The following GRIN2A variants were observed in gnomAD, a reference collection of about 807,000 sequenced individuals.
GRIN2A encodes glutamate receptor ionotropic, NMDA 2A.
A neutral mutation model predicts 113.4 loss-of-function variants in GRIN2A; 22 were observed. The ratio of observed to expected loss-of-function variants is 0.19; its 90% CI spans 0.14 to 0.28. The LOEUF (loss-of-function observed/expected upper bound fraction) is 0.28. Ranked by LOEUF, GRIN2A falls within the 10% of genes least tolerant of loss-of-function variation. The pLI, the probability that GRIN2A is intolerant of heterozygous loss-of-function variation, is 1.00. For synonymous variants in GRIN2A, 827 were observed against 738.4 expected (o/e 1.12, Z -1.94); for missense variants, 1,502 against 1,887.0 (o/e 0.80, Z 3.78).
At chr16:10,084,002 G>A (rs193106637) in intron 2 of GRIN2A, among the ~76,000 whole-genome samples, 1 of 152,300 alleles carries the variant, frequency 6.6e-6, no homozygotes, top group African/African-American at 2.4e-5. Flanking sequence ...CTTGGGGGTT[G>A]AAGAAGGAGG....
At chr16:9,974,659 T>A (rs1484999255) in intron 2 of GRIN2A, among the ~76,000 whole-genome samples, 1 of 152,104 alleles carries the variant, frequency 6.6e-6, no homozygotes, top group East Asian at 1.9e-4. Context: ...ACAAGGGGAA[T>A]GAGTAGGCCC....
chr16:9,776,420 T>C lies in GRIN2A; in HGVS notation c.2357-7331A>G, dbSNP rs145375558. 3.1e-3 allele frequency among the ~76,000 whole-genome samples: 479 copies of C among 152,212 alleles called. 3 individuals carry two copies. The highest frequency in any genetic ancestry group is 0.011 in the African/African-American group (448 of 41,526). On this transcript the variant is annotated intron_variant, in intron 11 of 12. Coordinates refer to ENST00000330684, the MANE Select transcript of GRIN2A (RefSeq NM_001134407.3). ...CACAGGTCTTGGTACATGTGGTTCA[T>C]GACATTGCACCAACTGTGGATAACA...
chr16:10,093,638 C>T, intron 2 of GRIN2A, among the ~76,000 whole-genome samples: 1 of 151,788 alleles, frequency 6.6e-6, no homozygotes, highest in East Asian at 1.9e-4. Flanking sequence ...AACAAAAAAC[C>T]TTTTGCAGTA....
intron 2 of GRIN2A, among the ~76,000 whole-genome samples, chr16:9,982,490 T>G (rs2045909828): frequency 6.6e-6 from 1 of 152,228 alleles, no homozygotes; most frequent in African/African-American, 2.4e-5. Context: ...GTCAGCTATT[T>G]GGCCTGAGGA....
At chr16:10,077,688 C>A (rs1031968016) in intron 2 of GRIN2A, among the ~76,000 whole-genome samples, 2 of 152,222 alleles carry the variant, frequency 1.3e-5, no homozygotes, top group African/African-American at 4.8e-5. Context: ...GCCCTCATCT[C>A]CTTCCATCCC....
intron 2 of GRIN2A, chr16:10,179,678 C>T: frequency 4.4e-6 from 2 of 453,658 alleles, no homozygotes; most frequent in South Asian, 4.4e-5. Flanking sequence ...CCATGGTACT[C>T]GTAAATCTCC....
At chr16:9,996,524 A>C (rs2046226738) in intron 2 of GRIN2A, among the ~76,000 whole-genome samples, 1 of 152,222 alleles carries the variant, frequency 6.6e-6, no homozygotes, top group African/African-American at 2.4e-5. Flanking sequence ...GTCGAAATCC[A>C]ACTAGACATC....
intron 2 of GRIN2A, among the ~76,000 whole-genome samples, chr16:10,172,471 A>G (rs2050061506): frequency 6.6e-6 from 1 of 152,252 alleles, no homozygotes; most frequent in Non-Finnish European, 1.5e-5. Context: ...CCTACATCAT[A>G]GGCCTCACAG....
intron 2 of GRIN2A, among the ~76,000 whole-genome samples, chr16:10,105,872 A>G (rs543771613): frequency 6.6e-6 from 1 of 152,376 alleles, no homozygotes; most frequent in Admixed American, 6.5e-5. Context: ...GTGCCACTGC[A>G]CGCCAGCCTC....
At chr16:9,964,156 A>T (rs912997541) in intron 2 of GRIN2A, among the ~76,000 whole-genome samples, 8 of 152,222 alleles carry the variant, frequency 5.3e-5, no homozygotes, top group African/African-American at 1.7e-4. Flanking sequence ...AGCATCCTTG[A>T]AGGCATGTGT....
chr16:9,785,078 C>T (rs995603795), intron 11 of GRIN2A, among the ~76,000 whole-genome samples: 4 of 152,124 alleles, frequency 2.6e-5, no homozygotes, highest in Non-Finnish European at 5.9e-5. Flanking sequence ...AGCCAGCCAT[C>T]CCATTACTGG....
chr16:9,971,172 G>A (rs1567208392), intron 2 of GRIN2A, among the ~76,000 whole-genome samples: 1 of 152,196 alleles, frequency 6.6e-6, no homozygotes, highest in Non-Finnish European at 1.5e-5. Flanking sequence ...CAGGTGGATT[G>A]CTTTATTCTC....
At chr16:9,890,905 G>A (rs923561857) in intron 4 of GRIN2A, 81 bp downstream of exon 4, 8 of 876,290 alleles carry the variant, frequency 9.1e-6, no homozygotes, top group Non-Finnish European at 1.2e-5. Context: ...GGAAATGCGT[G>A]GGAGAAAGAA....
chr16:9,791,104 C>G (rs1052116733), intron 11 of GRIN2A, among the ~76,000 whole-genome samples: 2 of 152,100 alleles, frequency 1.3e-5, no homozygotes, highest in African/African-American at 4.8e-5. Flanking sequence ...CAGGTCACAC[C>G]ACTAGGAAAC....
At chr16:10,034,069 G>C (rs2046979516) in intron 2 of GRIN2A, among the ~76,000 whole-genome samples, 1 of 152,206 alleles carries the variant, frequency 6.6e-6, no homozygotes, top group Admixed American at 6.5e-5. Context: ...CCTTGGCAGA[G>C]ATTAATGCCT....
chr16:9,849,788 G>A lies in GRIN2A; in HGVS notation c.1296C>T (p.Asn432=), dbSNP rs745619198. The A allele has an allele frequency of 3.7e-6, 6 of 1,614,086 alleles. No individual in the cohort carries two copies. In the Admixed American group the frequency reaches 1.0e-4, roughly 27 times the overall value. ...TGACGAACTTCCGACATGGCACGGT[G>A]TTCCTCACACACGTCTCGGTCAGGG... ...IDPLTETCVR[N]TVPCRKFVKI... is the part of the protein sequence containing the mutation. The change falls in exon 5 of 13, where the codon AAC becomes AAT. Residue 432 remains asparagine, a synonymous_variant. Coordinates refer to ENST00000330684, the MANE Select transcript of GRIN2A (RefSeq NM_001134407.3).
intron 4 of GRIN2A, among the ~76,000 whole-genome samples, chr16:9,865,312 A>T (rs146519616): frequency 6.6e-6 from 1 of 152,114 alleles, no homozygotes; most frequent in African/African-American, 2.4e-5. Flanking sequence ...ATCCAATTTC[A>T]CCCAAACCAA....
At chr16:9,962,713 A>C (rs2045467055) in intron 2 of GRIN2A, among the ~76,000 whole-genome samples, 2 of 151,982 alleles carry the variant, frequency 1.3e-5, no homozygotes, top group African/African-American at 4.8e-5. Context: ...GGAAATCGGT[A>C]GATTGCTCAG....
chr16:9,848,711 TA>T (rs34612283), intron 5 of GRIN2A, among the ~76,000 whole-genome samples: 119 of 61,418 alleles, frequency 1.9e-3, no homozygotes, highest in African/African-American at 6.0e-3. Flanking sequence ...CACTGTTTTA[TA>T]ATATTTTAAA....
Sources: allele counts gnomAD v4.1 joint callset (sites outside exome capture counted in the v4.1 genomes callset), GRCh38; gene constraint gnomAD v4.1.1; transcripts MANE v1.5; gene names NCBI Gene and HGNC (gene_info 2026-07-23, HGNC 2026-07-21).